The following EYS variants were observed in gnomAD, a reference collection of about 807,000 sequenced individuals.
EYS encodes the protein EGF-like photoreceptor maintenance factor, also known as protein eyes shut homolog.
Under a neutral mutation model 282.1 loss-of-function variants are expected in EYS, and 250 were observed. That is an observed-to-expected ratio of 0.89 (90% CI 0.80 to 0.98). EYS has a LOEUF of 0.98. EYS is among the 50% of genes least tolerant of loss of function. The probability of loss-of-function intolerance (pLI) is 0.00; values close to 1 mark genes in which losing one functional copy is unlikely to be tolerated. For missense variants in EYS, 4,016 were observed against 3,709.0 expected (o/e 1.08, Z -2.15); for synonymous variants, 1,355 against 1,282.9 (o/e 1.06, Z -1.20).
intron 18 of EYS, among the ~76,000 whole-genome samples, chr6:64,889,911 G>C (rs58470972): frequency 0.015 from 2,312 of 152,092 alleles, 75 homozygotes; most frequent in African/African-American, 0.053. Context: ...TCTGACCGCC[G>C]GTGAGCTGGG....
At chr6:65,508,072 T>C (rs1306702461) in intron 2 of EYS, among the ~76,000 whole-genome samples, 2 of 151,424 alleles carry the variant, frequency 1.3e-5, no homozygotes, top group Non-Finnish European at 3.0e-5. Context: ...GAGATCTCTG[T>C]CAATGTGGTT....
At chr6:65,298,741 T>C (rs1192611686) in intron 11 of EYS, among the ~76,000 whole-genome samples, 1 of 151,258 alleles carries the variant, frequency 6.6e-6, no homozygotes, top group South Asian at 2.1e-4. Context: ...TATATATATA[T>C]ATTTAAATTC....
chr6:65,003,224 G>A (rs1259691269), intron 13 of EYS, among the ~76,000 whole-genome samples: 1 of 147,466 alleles, frequency 6.8e-6, no homozygotes, highest in African/African-American at 2.4e-5. Context: ...AAGAGAATGT[G>A]CACCTGGGGG....
intron 13 of EYS, among the ~76,000 whole-genome samples, chr6:65,049,553 T>C (rs1333093640): frequency 2.0e-5 from 3 of 151,734 alleles, no homozygotes; most frequent in Admixed American, 2.0e-4. Context: ...GAGGACAGAA[T>C]GCTGAATAAT....
intron 26 of EYS, among the ~76,000 whole-genome samples, chr6:64,495,237 G>T (rs1776854100): frequency 6.6e-6 from 1 of 151,684 alleles, no homozygotes; most frequent in South Asian, 2.1e-4. Context: ...CTACATACAT[G>T]TTGGTGGGAA....
intron 30 of EYS, among the ~76,000 whole-genome samples, chr6:64,260,602 C>T (rs1414072537): frequency 6.6e-6 from 1 of 151,876 alleles, no homozygotes; most frequent in East Asian, 1.9e-4. Context: ...TTTAATCTGC[C>T]CTCTCTATTA....
intron 13 of EYS, among the ~76,000 whole-genome samples, chr6:65,041,009 T>C (rs188582156): frequency 6.6e-6 from 1 of 151,868 alleles, no homozygotes; most frequent in Non-Finnish European, 1.5e-5. Flanking sequence ...TGGATGTAGA[T>C]TGCAGAATTG....
intron 14 of EYS, among the ~76,000 whole-genome samples, chr6:64,984,173 C>A (rs2150118416): frequency 6.6e-6 from 1 of 151,506 alleles, no homozygotes; most frequent in Non-Finnish European, 1.5e-5. Flanking sequence ...AACTGGACTT[C>A]TGAGGTCAGA....
intron 35 of EYS, among the ~76,000 whole-genome samples, chr6:63,881,675 C>G (rs941767624): frequency 1.3e-5 from 2 of 152,076 alleles, no homozygotes; most frequent in African/African-American, 4.8e-5. Flanking sequence ...CCCACCTCCC[C>G]TTGGCACAAA....
chr6:65,325,243 T>C (rs1192586665), intron 11 of EYS, among the ~76,000 whole-genome samples: 1 of 152,120 alleles, frequency 6.6e-6, no homozygotes, highest in East Asian at 1.9e-4. Context: ...TCATCCTTCT[T>C]CATCTAGCTG....
intron 12 of EYS, among the ~76,000 whole-genome samples, chr6:65,129,137 C>T (rs921272063): frequency 1.3e-5 from 2 of 151,944 alleles, no homozygotes; most frequent in African/African-American, 2.4e-5. Context: ...GTTGGACCCC[C>T]TATCTATCAC....
intron 13 of EYS, among the ~76,000 whole-genome samples, chr6:65,024,555 T>A (rs1420580794): frequency 1.3e-5 from 2 of 152,164 alleles, no homozygotes; most frequent in South Asian, 4.1e-4. Flanking sequence ...ACGAATGTGG[T>A]TTACTTCTTC....
At chr6:65,471,791 C>T (rs1483471238) in intron 5 of EYS, among the ~76,000 whole-genome samples, 1 of 151,848 alleles carries the variant, frequency 6.6e-6, no homozygotes, top group Non-Finnish European at 1.5e-5. Flanking sequence ...TATTCTATTT[C>T]TAATAAAATA....
At chr6:64,736,318 A>G (rs1236061412) in intron 22 of EYS, among the ~76,000 whole-genome samples, 4 of 152,254 alleles carry the variant, frequency 2.6e-5, no homozygotes, top group African/African-American at 9.6e-5. Flanking sequence ...TAAAAATAAA[A>G]TTCTATTTTT....
chr6:65,586,119 G>A (rs1463464040), intron 2 of EYS, among the ~76,000 whole-genome samples: 1 of 151,914 alleles, frequency 6.6e-6, no homozygotes, highest in Non-Finnish European at 1.5e-5. Context: ...GTCTGCATTA[G>A]GAGAGGTTGG....
At chr6:64,659,153 T>C (rs1383091659) in intron 22 of EYS, among the ~76,000 whole-genome samples, 1 of 151,580 alleles carries the variant, frequency 6.6e-6, no homozygotes, top group Non-Finnish European at 1.5e-5. Context: ...CATAACAAAA[T>C]GAAGGAAGAA....
intron 21 of EYS, among the ~76,000 whole-genome samples, chr6:64,816,594 GCTAGAGAACAAATAC>G (rs542437062): frequency 2.4e-3 from 366 of 152,170 alleles, no homozygotes; most frequent in African/African-American, 5.4e-3. Flanking sequence ...TAATGGAATA[GCTAGAGAACAAATAC>G]CTAGAGAACA....
At chr6:65,161,778 C>A (rs1346439208) in intron 12 of EYS, among the ~76,000 whole-genome samples, 1 of 151,000 alleles carries the variant, frequency 6.6e-6, no homozygotes, top group Non-Finnish European at 1.5e-5. Flanking sequence ...TATGTAGTAA[C>A]AGAAAAACTT....
chr6:63,756,872 TC>T (rs980171066), intron 41 of EYS, among the ~76,000 whole-genome samples: 1 of 152,198 alleles, frequency 6.6e-6, no homozygotes, highest in African/African-American at 2.4e-5. Context: ...TTTTATAATT[TC>T]TTATCCCTGT....
Sources: allele counts gnomAD v4.1 joint callset (sites outside exome capture counted in the v4.1 genomes callset), GRCh38; gene constraint gnomAD v4.1.1; transcripts MANE v1.5; gene names NCBI Gene and HGNC (gene_info 2026-07-23, HGNC 2026-07-21).